PAPPA: variants seen among roughly 807,000 people sequenced by gnomAD.
PAPPA encodes the protein pappalysin 1.
A neutral mutation model predicts 164.0 loss-of-function variants in PAPPA; 60 were observed. The ratio of observed to expected loss-of-function variants is 0.37; its 90% CI spans 0.30 to 0.45. The LOEUF is 0.45. Ranked by LOEUF, PAPPA falls within the 20% of genes least tolerant of loss-of-function variation. PAPPA has a pLI of 1.00. For missense variants in PAPPA, 1,782 were observed against 2,087.3 expected (o/e 0.85, Z 2.85); for synonymous variants, 875 against 814.1 (o/e 1.07, Z -1.27).
intron 17 of PAPPA, among the ~76,000 whole-genome samples, chr9:116,360,919 C>T (rs1846418309): frequency 6.6e-6 from 1 of 152,056 alleles, no homozygotes; most frequent in South Asian, 2.1e-4. Flanking sequence ...AGGTAGTGCC[C>T]CATGCAGAAT....
intron 21 of PAPPA, among the ~76,000 whole-genome samples, chr9:116,395,250 TA>T (rs1301268323): frequency 6.6e-6 from 1 of 152,178 alleles, no homozygotes; most frequent in Non-Finnish European, 1.5e-5. Flanking sequence ...TTCTACATTT[TA>T]AATTATTGCA....
chr9:116,166,908 C>T (rs550260037), intron 1 of PAPPA, among the ~76,000 whole-genome samples: 2 of 152,036 alleles, frequency 1.3e-5, no homozygotes, highest in South Asian at 4.2e-4. Context: ...TGGTGGTGCC[C>T]CCCAGTGGCT....
chr9:116,190,894 C>A (rs1017871052), intron 2 of PAPPA, among the ~76,000 whole-genome samples: 1 of 152,208 alleles, frequency 6.6e-6, no homozygotes, highest in Non-Finnish European at 1.5e-5. Context: ...CACCAGGTCA[C>A]GTGTCATCTC....
chr9:116,325,564 G>A (rs539613349), intron 10 of PAPPA, among the ~76,000 whole-genome samples: 270 of 152,270 alleles, frequency 1.8e-3, no homozygotes, highest in Middle Eastern at 3.4e-3. Context: ...GCTAAAATGA[G>A]TGCCCCCCGC....
chr9:116,286,844 T>G (rs974360140), intron 9 of PAPPA: 1 of 151,090 alleles, frequency 6.6e-6, no homozygotes, highest in Non-Finnish European at 1.5e-5. Flanking sequence ...CATTTTTTTG[T>G]CCTCATAACA....
At position 116,193,337 on chromosome 9, in the gene PAPPA, G is replaced by A. The variant is rs192676737; in HGVS notation, c.1478+5121G>A. Among the ~76,000 whole-genome samples, 10 of 152,170 alleles carry A rather than the reference G, an allele frequency of 6.6e-5. No individual in the cohort carries two copies. The South Asian group carries it at 8.3e-4, about 13-fold the overall frequency. On this transcript the variant is annotated intron_variant, in intron 2 of 21. Transcript: ENST00000328252. ...TCTAATCAGGGCCACTGAATGATTT[G>A]TCCTCTCTGGGTGGGGTTTCCTACT... is the stretch of plus-strand genomic sequence containing the variant.
chr9:116,314,025 A>G (rs1587999629), intron 10 of PAPPA, among the ~76,000 whole-genome samples: 2 of 141,812 alleles, frequency 1.4e-5, no homozygotes, highest in South Asian at 4.4e-4. Flanking sequence ...AGTAAGTACT[A>G]CCTAAATTCA....
At chr9:116,172,702 T>C (rs772162617) in intron 1 of PAPPA, among the ~76,000 whole-genome samples, 1 of 152,222 alleles carries the variant, frequency 6.6e-6, no homozygotes, top group African/African-American at 2.4e-5. Context: ...CTCTGTTTCA[T>C]AGTCTTTCAG....
chr9:116,181,386 C>T (rs1412201511), intron 1 of PAPPA, among the ~76,000 whole-genome samples: 1 of 152,036 alleles, frequency 6.6e-6, no homozygotes, highest in East Asian at 1.9e-4. Flanking sequence ...TCCAGATGGT[C>T]ATCTTTTCCT....
intron 3 of PAPPA, among the ~76,000 whole-genome samples, chr9:116,208,135 T>G (rs1844260131): frequency 6.6e-6 from 1 of 152,324 alleles, no homozygotes; most frequent in Admixed American, 6.5e-5. Context: ...ATTCAAATTA[T>G]ACATATCCAT....
In PAPPA at chr9:116,401,487, A is replaced by G. The variant is rs958829592; in HGVS notation, c.*4871A>G. ...TATTGAGTTGCTTTCTTGGGTCTCT[A>G]TAATCAATAACCTGTCTGCAGATAT... is the stretch of plus-strand genomic sequence containing the variant. On this transcript the variant is annotated 3_prime_UTR_variant, in exon 22 of 22. Coordinates refer to ENST00000328252, the MANE Select transcript of PAPPA (RefSeq NM_002581.5). 6.6e-6 allele frequency: 1 copy of G among 152,188 alleles called. No individual in the cohort carries two copies. The highest frequency in any genetic ancestry group is 1.5e-5 in the Non-Finnish European group (1 of 67,932). The allele number at this position is 152,188 out of a possible 1,614,324, so 9.4% of individuals were successfully genotyped here. A position where few individuals can be genotyped will look rare whatever the true frequency, so the allele number is the denominator to read the frequency against.
At chr9:116,332,254 C>G in intron 11 of PAPPA, 79 bp from the exon 12 acceptor site, 5 of 1,319,094 alleles carry the variant, frequency 3.8e-6, no homozygotes, top group Non-Finnish European at 5.4e-6. Flanking sequence ...AGTTTCTCCT[C>G]AAATGCACCC....
At chr9:116,251,533 C>T (rs147192490) in intron 7 of PAPPA, among the ~76,000 whole-genome samples, 4 of 152,304 alleles carry the variant, frequency 2.6e-5, no homozygotes, top group East Asian at 1.9e-4. Flanking sequence ...CAGTTAGTGC[C>T]GCTCAATCAC....
rs1411334462 is a variant in PAPPA, at chr9:116,352,969, G to A, written c.4175+53G>A. On this transcript the variant is annotated intron_variant, in intron 16 of 21. Coordinates refer to ENST00000328252, the MANE Select transcript of PAPPA (RefSeq NM_002581.5). ...TGGTCTCTGGGAGGACAAGAGTTAG[G>A]TTCAAATGCCTGACTGGACGGAAGC... 3 of 1,353,140 alleles carry A rather than the reference G, an allele frequency of 2.2e-6. No individual in the cohort carries two copies. In the African/African-American group the frequency reaches 4.3e-5, roughly 19 times the overall value. The allele number at this position is 1,353,140 out of a possible 1,614,324, so 83.8% of individuals were successfully genotyped here. A position where few individuals can be genotyped will look rare whatever the true frequency, so the allele number is the denominator to read the frequency against.
intron 1 of PAPPA, among the ~76,000 whole-genome samples, chr9:116,163,018 C>A (rs1490637939): frequency 6.6e-6 from 1 of 152,048 alleles, no homozygotes; most frequent in Admixed American, 6.5e-5. Context: ...AACAAGAGAC[C>A]AGGTAAAATT....
chr9:116,157,901 A>G (rs912593212), intron 1 of PAPPA, among the ~76,000 whole-genome samples: 16 of 149,008 alleles, frequency 1.1e-4, no homozygotes, highest in Admixed American at 5.4e-4. Context: ...CTGCCCCCCC[A>G]ACACCCCTCC....
At chr9:116,317,784 C>A (rs1312907187) in intron 10 of PAPPA, among the ~76,000 whole-genome samples, 1 of 152,162 alleles carries the variant, frequency 6.6e-6, no homozygotes, top group Non-Finnish European at 1.5e-5. Flanking sequence ...CTACTGCTGG[C>A]AATAGCTCTG....
At chr9:116,382,607 C>T in intron 21 of PAPPA, 114 bp downstream of exon 21, 3 of 691,526 alleles carry the variant, frequency 4.3e-6, no homozygotes, top group Admixed American at 4.5e-5. Flanking sequence ...CCAGCACTGT[C>T]CACACGCTTT....
At chr9:116,349,126 C>T (rs946212486) in intron 15 of PAPPA, among the ~76,000 whole-genome samples, 3 of 146,980 alleles carry the variant, frequency 2.0e-5, no homozygotes, top group Admixed American at 6.8e-5. Context: ...ACCAAGTCTA[C>T]CCCCCTGCTC....
Sources: allele counts gnomAD v4.1 joint callset (sites outside exome capture counted in the v4.1 genomes callset), GRCh38; gene constraint gnomAD v4.1.1; transcripts MANE v1.5; gene names NCBI Gene and HGNC (gene_info 2026-07-23, HGNC 2026-07-21).